SDR42E2: variants seen among roughly 807,000 people sequenced by gnomAD.
SDR42E2 encodes putative short-chain dehydrogenase/reductase family 42E member 2.
Under a neutral mutation model 10.5 loss-of-function variants are expected in SDR42E2, and 20 were observed. That is an observed-to-expected ratio of 1.90 (90% CI 1.34 to 2.77). The LOEUF (loss-of-function observed/expected upper bound fraction) is 2.77, where lower values mean the gene tolerates loss of function less well. SDR42E2 is among the 30% of genes most tolerant of loss of function. The pLI is 0.00. For missense variants in SDR42E2, 162 were observed against 104.2 expected, an observed-to-expected ratio of 1.55 and a Z score of -2.42; for synonymous variants, 72 against 39.2, an observed-to-expected ratio of 1.84 and a Z score of -3.12.
At chr16:22,184,495 G>T (rs1003498330) in intron 11 of SDR42E2, among the ~76,000 whole-genome samples, 1 of 152,142 alleles carries the variant, frequency 6.6e-6, no homozygotes, top group Admixed American at 6.5e-5. Flanking sequence ...CCAGCTCCCT[G>T]GGAGGCTGAG....
In SDR42E2 at chr16:22,191,166, C is replaced by G. The variant is rs1164864538; in HGVS notation, c.*773C>G. The G allele has an allele frequency of 6.5e-6, 1 of 153,946 alleles. No homozygotes were observed. Among genetic ancestry groups the G allele is most frequent in the Non-Finnish European group, 1.5e-5 (1 of 68,800 alleles). The allele number at this position is 153,946 out of a possible 1,614,324, so 9.5% of individuals were successfully genotyped here. A position where few individuals can be genotyped will look rare whatever the true frequency, so the allele number is the denominator to read the frequency against. ...CTTCCTCCGCCTTCTGGACCTTCTC[C>G]TAGTCCCTGCCCAGTCCCGGCCCAC... On this transcript the variant is annotated 3_prime_UTR_variant, in exon 13 of 13. Transcript: ENST00000602312.
At chr16:22,166,745 C>T (rs2046543847) in intron 3 of SDR42E2, among the ~76,000 whole-genome samples, 159 bp from the exon 4 acceptor site, 1 of 152,136 alleles carries the variant, frequency 6.6e-6, no homozygotes, top group Admixed American at 6.5e-5. Context: ...CCTGTAGAAT[C>T]ATTTAGTGAA....
intron 8 of SDR42E2, among the ~76,000 whole-genome samples, chr16:22,179,141 C>A (rs1024143117): frequency 6.6e-6 from 1 of 152,036 alleles, no homozygotes; most frequent in African/African-American, 2.4e-5. Flanking sequence ...GTGTGCACAA[C>A]CATGCCTGAT....
chr16:22,183,500 G>T (rs181264821), intron 10 of SDR42E2, among the ~76,000 whole-genome samples: 48 of 152,276 alleles, frequency 3.2e-4, no homozygotes, highest in Non-Finnish European at 6.2e-4. Context: ...CTCCCCACAC[G>T]GCAGCCCGGG....
chr16:22,171,784 C>T lies in SDR42E2; in HGVS notation c.514-472C>T, dbSNP rs369729378. Among the ~76,000 whole-genome samples, 201 of 152,160 alleles carry T rather than the reference C, an allele frequency of 1.3e-3. 6 individuals are homozygous for T. In the South Asian group the frequency reaches 0.04, roughly 30 times the overall value. The stretch of plus-strand genomic sequence containing the variant: ...TGGGCTCAATCAATCCTCCCTCCTG[C>T]GGCTGTCAAAGTGCTGGAATTACAG... On this transcript the variant is annotated intron_variant, in intron 6 of 12. Transcript: ENST00000602312.
intron 11 of SDR42E2, among the ~76,000 whole-genome samples, chr16:22,184,465 G>A (rs1363018849): frequency 6.6e-6 from 1 of 152,124 alleles, no homozygotes; most frequent in East Asian, 1.9e-4. Context: ...AGCCGGGTGT[G>A]GTGGCGCACG....
chr16:22,179,223 A>G (rs1456569844), intron 8 of SDR42E2, among the ~76,000 whole-genome samples: 1 of 152,106 alleles, frequency 6.6e-6, no homozygotes, highest in East Asian at 1.9e-4. Context: ...TCCTGGCCTC[A>G]ACCAATCCTC....
chr16:22,180,618 G>A (rs1245865029), intron 8 of SDR42E2, among the ~76,000 whole-genome samples: 2 of 152,084 alleles, frequency 1.3e-5, no homozygotes, highest in South Asian at 2.1e-4. Context: ...CAGGAGGATC[G>A]CTTGAGCCCG....
chr16:22,169,535 G>T (rs1598131145), intron 5 of SDR42E2, 33 bp downstream of exon 5: 2 of 703,316 alleles, frequency 2.8e-6, no homozygotes, highest in East Asian at 5.4e-5. Flanking sequence ...GACCTGCTGT[G>T]CCTCTCCCCC....
At chr16:22,183,825 G>T (rs2046715655) in intron 10 of SDR42E2, among the ~76,000 whole-genome samples, 1 of 152,074 alleles carries the variant, frequency 6.6e-6, no homozygotes, top group Admixed American at 6.6e-5. Flanking sequence ...CGGGTGTAAT[G>T]GCTTATGCCT....
At chr16:22,175,990 T>TA (rs879892114) in intron 7 of SDR42E2, among the ~76,000 whole-genome samples, 250 of 141,668 alleles carry the variant, frequency 1.8e-3, no homozygotes, top group East Asian at 7.7e-3. Context: ...AAGACTCTAT[T>TA]AAAAAAAAAA....
chr16:22,164,799 T>C (rs773327714), intron 1 of SDR42E2, among the ~76,000 whole-genome samples: 1 of 152,028 alleles, frequency 6.6e-6, no homozygotes, highest in Non-Finnish European at 1.5e-5. Flanking sequence ...TCCTCCTCTT[T>C]CTCTTCCTCC....
At chr16:22,172,817 G>A (rs1450973529) in intron 7 of SDR42E2, among the ~76,000 whole-genome samples, 1 of 152,212 alleles carries the variant, frequency 6.6e-6, no homozygotes, top group African/African-American at 2.4e-5. Context: ...GTCTTGCTCT[G>A]TTGCCCAGGC....
intron 2 of SDR42E2, among the ~76,000 whole-genome samples, chr16:22,166,004 C>T (rs540882472): frequency 6.6e-6 from 1 of 152,052 alleles, no homozygotes; most frequent in Admixed American, 6.6e-5. Flanking sequence ...GGAGCTGGGT[C>T]GGGACCTGGT....
At chr16:22,187,160 C>CACAT (rs1255132496) in intron 12 of SDR42E2, among the ~76,000 whole-genome samples, 4 of 152,192 alleles carry the variant, frequency 2.6e-5, no homozygotes, top group Admixed American at 1.3e-4. Flanking sequence ...CAACTCTCAA[C>CACAT]ACATACATAC....
At chr16:22,182,422 A>G (rs1337420258) in intron 10 of SDR42E2, 145 bp downstream of exon 10, 6 of 387,322 alleles carry the variant, frequency 1.5e-5, no homozygotes, top group Non-Finnish European at 2.7e-5. Flanking sequence ...ATCTCAGCTC[A>G]CTGCAACCTC....
intron 9 of SDR42E2, 24 bp downstream of exon 9, chr16:22,181,680 A>G (rs1305150159): frequency 5.7e-6 from 4 of 701,116 alleles, no homozygotes; most frequent in Admixed American, 4.0e-5. Context: ...GATGCCCCCA[A>G]CCACCTTCCC....
chr16:22,179,338 C>A (rs189199179), intron 8 of SDR42E2, among the ~76,000 whole-genome samples: 48 of 152,142 alleles, frequency 3.2e-4, no homozygotes, highest in African/African-American at 1.1e-3. Flanking sequence ...ATGTGGTCAA[C>A]CCCAGTGACT....
chr16:22,178,175 A>ACGG lies in SDR42E2; in HGVS notation c.637_639dup (p.Gly213dup), dbSNP rs747429049. On this transcript the variant is annotated inframe_insertion, in exon 8 of 13. Coordinates refer to ENST00000602312, the MANE Select transcript of SDR42E2 (RefSeq NM_001394319.2). ...TGTGTGCTCCGGCCTCCAGGGATCT[A>ACGG]CGGCCCTGAAGAGCAGAGGCACCTG... The ACGG allele has an allele frequency of 6.4e-4, 453 of 702,716 alleles. 3 individuals are homozygous for ACGG. The highest frequency in any genetic ancestry group is 2.8e-4 in the Admixed American group (14 of 49,966). The allele number at this position is 702,716 out of a possible 1,614,324, so 43.5% of individuals were successfully genotyped here.
Sources: gnomAD v4.1 joint callset for allele counts (sites outside exome capture counted in the v4.1 genomes callset) on GRCh38, gnomAD v4.1.1 for gene constraint, MANE v1.5 for transcripts, NCBI Gene and HGNC (gene_info 2026-07-23, HGNC 2026-07-21) for gene names.